The following KIT variants were observed in gnomAD, a reference collection of about 807,000 sequenced individuals.
KIT encodes the protein mast/stem cell growth factor receptor Kit.
Under a neutral mutation model 105.7 loss-of-function variants are expected in KIT, and 16 were observed. That is an observed-to-expected ratio of 0.15 (90% CI 0.10 to 0.23). KIT has a LOEUF of 0.23. KIT is among the 10% of genes least tolerant of loss of function. The pLI, the probability that KIT is intolerant of heterozygous loss-of-function variation, is 1.00. For synonymous variants in KIT, 438 were observed against 441.1 expected (o/e 0.99, Z 0.09); for missense variants, 858 against 1,213.8 (o/e 0.71, Z 4.36).
At chr4:54,735,738 G>T (rs1326438183) in intron 17 of KIT, among the ~76,000 whole-genome samples, 2 of 152,126 alleles carry the variant, frequency 1.3e-5, no homozygotes, top group East Asian at 1.9e-4. Context: ...ATATTTTAGT[G>T]ACTTTCCCAG....
chr4:54,677,046 G>T (rs950574696), intron 1 of KIT, among the ~76,000 whole-genome samples: 1 of 152,082 alleles, frequency 6.6e-6, no homozygotes, highest in South Asian at 2.1e-4. Flanking sequence ...TGCTGATGTG[G>T]AGTTAAATAT....
At chr4:54,663,315 G>T (rs1717429889) in intron 1 of KIT, among the ~76,000 whole-genome samples, 1 of 152,100 alleles carries the variant, frequency 6.6e-6, no homozygotes, top group African/African-American at 2.4e-5. Flanking sequence ...CTCTCCTTAA[G>T]CTTCATTTCC....
intron 1 of KIT, among the ~76,000 whole-genome samples, chr4:54,687,072 C>T (rs1048099582): frequency 1.3e-5 from 2 of 151,894 alleles, no homozygotes; most frequent in African/African-American, 4.8e-5. Flanking sequence ...CATTTATTTC[C>T]TCCTGAAAAA....
rs1374109617 is a variant in KIT at position 54,713,580 on chromosome 4, A to G, written c.1231+4041A>G. On this transcript the variant is annotated intron_variant, in intron 7 of 20. Transcript: ENST00000288135. ...ATGCATAGTGTTTGTTAGTGCAGAA[A>G]TTCAGCCTACTTTTACTCTGTGACA... Among the ~76,000 whole-genome samples, 3 of 152,240 alleles carry G rather than the reference A, an allele frequency of 2.0e-5. No individual in the cohort carries two copies. In the East Asian group the frequency reaches 5.8e-4, roughly 29 times the overall value.
chr4:54,704,632 C>T (rs1720667036), intron 5 of KIT, among the ~76,000 whole-genome samples: 1 of 152,124 alleles, frequency 6.6e-6, no homozygotes, highest in Admixed American at 6.5e-5. Context: ...TTTCTTCATG[C>T]TTTTGATTTA....
intron 1 of KIT, among the ~76,000 whole-genome samples, chr4:54,660,244 C>G (rs1237226407): frequency 6.6e-6 from 1 of 152,102 alleles, no homozygotes; most frequent in Non-Finnish European, 1.5e-5. Flanking sequence ...TGCTTACTGC[C>G]CTTCAATTCC....
chr4:54,695,475 A>G (rs1446469542), intron 1 of KIT, 37 bp from the exon 2 acceptor site: 3 of 1,612,698 alleles, frequency 1.9e-6, no homozygotes, highest in Admixed American at 3.3e-5. Flanking sequence ...GCCAAGGAAG[A>G]AGATCATACT....
At chr4:54,676,608 A>G (rs919011030) in intron 1 of KIT, among the ~76,000 whole-genome samples, 1 of 152,118 alleles carries the variant, frequency 6.6e-6, no homozygotes, top group Non-Finnish European at 1.5e-5. Context: ...GAGCAGGGGA[A>G]GAGTGGTATT....
intron 1 of KIT, among the ~76,000 whole-genome samples, chr4:54,668,957 C>T (rs940309976): frequency 9.2e-5 from 14 of 152,176 alleles, no homozygotes; most frequent in Admixed American, 6.5e-5. Flanking sequence ...AAAGATTTTC[C>T]ATTTAAGAAA....
chr4:54,727,369 G>C (rs2109775044), intron 10 of KIT, 45 bp downstream of exon 10: 1 of 1,613,894 alleles, frequency 6.2e-7, no homozygotes, highest in Non-Finnish European at 8.5e-7. Flanking sequence ...TAATGACTGA[G>C]ACAATAATTA....
Position 54,738,090 on chromosome 4 carries a change from A to G in KIT, c.2803-339A>G, listed in dbSNP as rs17084732. On this transcript the variant is annotated intron_variant, in intron 20 of 20. Transcript: ENST00000288135. ...GGCCGTGGGTTTCCCAGCAAATTAC[A>G]TTGGTTATTGGGTTGTAGTTGCTGG... Among the ~76,000 whole-genome samples the G allele has an allele frequency of 0.02, 3,032 of 152,262 alleles. 112 individuals are homozygous for G. The highest frequency in any genetic ancestry group is 0.069 in the African/African-American group (2,860 of 41,536).
intron 7 of KIT, among the ~76,000 whole-genome samples, chr4:54,711,917 A>G (rs1721187299): frequency 6.7e-6 from 1 of 149,298 alleles, no homozygotes; most frequent in African/African-American, 2.5e-5. Flanking sequence ...CGACTGAACG[A>G]GAGTCCGTCT....
intron 1 of KIT, among the ~76,000 whole-genome samples, chr4:54,659,499 C>T (rs1382883598): frequency 6.6e-6 from 1 of 152,228 alleles, no homozygotes; most frequent in Non-Finnish European, 1.5e-5. Context: ...GGTTTTGAGA[C>T]TGTCGACTAC....
rs78957275 is a variant in KIT at position 54,673,319 on chromosome 4, T to G, written c.67+15238T>G. Among the ~76,000 whole-genome samples the G allele has an allele frequency of 1.4e-3, 208 of 152,334 alleles. 2 individuals are homozygous for G. The highest frequency in any genetic ancestry group is 4.9e-3 in the African/African-American group (202 of 41,594). Reference sequence around the variant, plus strand: ...TGTATTCTGTATCTGCCACTTTCTCTCAAATCCTTTTAACCGCGTCATAAT... The same window carrying G: ...TGTATTCTGTATCTGCCACTTTCTCGCAAATCCTTTTAACCGCGTCATAAT... On this transcript the variant is annotated intron_variant, in intron 1 of 20. Transcript: ENST00000288135.
intron 7 of KIT, among the ~76,000 whole-genome samples, chr4:54,722,056 G>A (rs1053889407): frequency 6.6e-6 from 1 of 152,164 alleles, no homozygotes; most frequent in Non-Finnish European, 1.5e-5. Flanking sequence ...GTGCAGTGGT[G>A]CTCACTGCAA....
At chr4:54,735,593 A>G (rs1049780880) in intron 17 of KIT, among the ~76,000 whole-genome samples, 47 of 152,210 alleles carry the variant, frequency 3.1e-4, no homozygotes, top group African/African-American at 1.1e-3. Context: ...CTTCTAGGCA[A>G]TTTTTCAGAT....
In KIT at chr4:54,700,258, G is replaced by A. The variant is rs977000298; in HGVS notation, c.756+492G>A. Among the ~76,000 whole-genome samples the A allele has an allele frequency of 3.9e-5, 6 of 152,154 alleles. No homozygotes were observed. The South Asian group carries it at 1.2e-3, about 32-fold the overall frequency. ...TTTGAAGATGGGTTTCTTTTTGTAAGGATCTGATTTCCTCCTTTGAGGCTG... is the reference window on the plus strand; with the variant it reads ...TTTGAAGATGGGTTTCTTTTTGTAAAGATCTGATTTCCTCCTTTGAGGCTG... On this transcript the variant is annotated intron_variant, in intron 4 of 20. Coordinates refer to ENST00000288135, the MANE Select transcript of KIT (RefSeq NM_000222.3).
At chr4:54,731,255 G>A in intron 14 of KIT, 73 bp from the exon 15 acceptor site, 1 of 975,264 alleles carries the variant, frequency 1.0e-6, no homozygotes, top group East Asian at 2.4e-5. Flanking sequence ...GGATGAGGAG[G>A]TAGAGCATGA....
chr4:54,677,088 G>A (rs934643616), intron 1 of KIT, among the ~76,000 whole-genome samples: 2 of 152,114 alleles, frequency 1.3e-5, no homozygotes, highest in African/African-American at 4.8e-5. Context: ...GGGAATTCTT[G>A]CCCTCTTGAC....
Sources: allele counts gnomAD v4.1 joint callset (sites outside exome capture counted in the v4.1 genomes callset), GRCh38; gene constraint gnomAD v4.1.1; transcripts MANE v1.5; gene names NCBI Gene and HGNC (gene_info 2026-07-23, HGNC 2026-07-21).